MSI2: variants seen among roughly 807,000 people sequenced by gnomAD.
The protein encoded by MSI2 is RNA-binding protein Musashi homolog 2.
MSI2 carries 17 observed loss-of-function variants against 45.6 expected under a neutral mutation model. The observed-to-expected ratio is 0.37, with a 90% CI of 0.26 to 0.56. The LOEUF (loss-of-function observed/expected upper bound fraction) is 0.56, where lower values mean the gene tolerates loss of function less well. MSI2 is among the 20% of genes least tolerant of loss of function. The pLI is 0.77. For missense variants in MSI2, 293 were observed against 444.2 expected, an observed-to-expected ratio of 0.66 and a Z score of 3.06; for synonymous variants, 156 against 158.2, an observed-to-expected ratio of 0.99 and a Z score of 0.11.
At chr17:57,641,387 A>G (rs906020395) in intron 10 of MSI2, among the ~76,000 whole-genome samples, 3 of 152,144 alleles carry the variant, frequency 2.0e-5, no homozygotes, top group East Asian at 1.9e-4. Context: ...GGATTCATTG[A>G]AAAAGCCCAC....
At chr17:57,368,918 C>T (rs761077866) in intron 5 of MSI2, among the ~76,000 whole-genome samples, 2 of 152,198 alleles carry the variant, frequency 1.3e-5, no homozygotes, top group South Asian at 2.1e-4. Flanking sequence ...AAGGAAGGAA[C>T]GGCATGCCTG....
At chr17:57,380,215 C>T (rs2083575814) in intron 5 of MSI2, among the ~76,000 whole-genome samples, 2 of 152,204 alleles carry the variant, frequency 1.3e-5, no homozygotes, top group African/African-American at 4.8e-5. Context: ...CCCACAATAG[C>T]ATTAACCACG....
chr17:57,536,258 C>T (rs149425655), intron 7 of MSI2, among the ~76,000 whole-genome samples: 21 of 152,272 alleles, frequency 1.4e-4, no homozygotes, highest in Non-Finnish European at 1.6e-4. Context: ...TAGGGAAGAA[C>T]GTTGGGACTG....
At chr17:57,289,468 A>G (rs941784686) in intron 5 of MSI2, among the ~76,000 whole-genome samples, 2 of 135,616 alleles carry the variant, frequency 1.5e-5, no homozygotes, top group African/African-American at 5.5e-5. Flanking sequence ...ATGGATTTTT[A>G]TTTGAAATGA....
chr17:57,323,242 T>C (rs187488714), intron 5 of MSI2, among the ~76,000 whole-genome samples: 8 of 151,878 alleles, frequency 5.3e-5, no homozygotes, highest in Admixed American at 2.6e-4. Context: ...TCCACACAGA[T>C]TGAGTCTACA....
In MSI2 at chr17:57,640,537, C is replaced by T. The variant is rs536360560; in HGVS notation, c.728-11562C>T. 2.6e-5 allele frequency among the ~76,000 whole-genome samples: 4 copies of T among 152,318 alleles called. No homozygotes were observed. In the East Asian group the frequency reaches 7.7e-4, roughly 29 times the overall value. On this transcript the variant is annotated intron_variant, in intron 10 of 13. Transcript: ENST00000284073. ...AAGCAACAGATAACCGTGCTGAGCG[C>T]CCAACGCCATCATCTCACTGAATCA...
chr17:57,632,018 T>TG (rs1555634980), intron 10 of MSI2: 7 of 1,354,174 alleles, frequency 5.2e-6, no homozygotes, highest in African/African-American at 1.5e-5. Context: ...TTCACTCAAT[T>TG]AAAAAAAAAT....
chr17:57,314,751 T>C (rs1912711447), intron 5 of MSI2, among the ~76,000 whole-genome samples: 1 of 151,962 alleles, frequency 6.6e-6, no homozygotes. Context: ...TTTGTATTTT[T>C]AGTAAAAACG....
chr17:57,457,453 G>A (rs1248201045), intron 6 of MSI2, among the ~76,000 whole-genome samples: 1 of 152,176 alleles, frequency 6.6e-6, no homozygotes, highest in Non-Finnish European at 1.5e-5. Flanking sequence ...GCTGGTTAAG[G>A]TAGGTAATGA....
chr17:57,465,282 C>A (rs759788068), intron 6 of MSI2, among the ~76,000 whole-genome samples: 1 of 151,686 alleles, frequency 6.6e-6, no homozygotes, highest in Non-Finnish European at 1.5e-5. Context: ...AGCAACATGG[C>A]AAAACCCCAT....
At chr17:57,544,118 TGTGA>T (rs2087111927) in intron 7 of MSI2, among the ~76,000 whole-genome samples, 1 of 152,184 alleles carries the variant, frequency 6.6e-6, no homozygotes, top group African/African-American at 2.4e-5. Context: ...TGTGTGTGCC[TGTGA>T]GTGTGTTTGT....
chr17:57,503,831 G>A (rs567963913), intron 6 of MSI2, among the ~76,000 whole-genome samples: 97 of 152,046 alleles, frequency 6.4e-4, no homozygotes, highest in Middle Eastern at 6.8e-3. Flanking sequence ...GACAACCTCC[G>A]CCTCCCAGGT....
At chr17:57,674,807 G>C (rs1913099875) in intron 11 of MSI2, 165 bp from the exon 12 acceptor site, 4 of 1,010,680 alleles carry the variant, frequency 4.0e-6, no homozygotes, top group Non-Finnish European at 5.8e-6. Flanking sequence ...CATGGCCTTG[G>C]TTGAGTGTTA....
At chr17:57,463,011 C>T (rs2085260601) in intron 6 of MSI2, among the ~76,000 whole-genome samples, 1 of 152,246 alleles carries the variant, frequency 6.6e-6, no homozygotes, top group Non-Finnish European at 1.5e-5. Context: ...CCCCTTCCAC[C>T]ACAGGTCTCA....
At chr17:57,511,387 G>A (rs1240585729) in intron 6 of MSI2, among the ~76,000 whole-genome samples, 4 of 151,984 alleles carry the variant, frequency 2.6e-5, no homozygotes, top group Non-Finnish European at 5.9e-5. Context: ...TCCCCTTACC[G>A]CCACCCACCC....
chr17:57,482,912 G>A (rs1285017517), intron 6 of MSI2, among the ~76,000 whole-genome samples: 1 of 152,220 alleles, frequency 6.6e-6, no homozygotes, highest in Non-Finnish European at 1.5e-5. Context: ...TGGCATCCAT[G>A]TAGGAATTGA....
chr17:57,654,971 A>G (rs1208625330), intron 11 of MSI2, among the ~76,000 whole-genome samples: 2 of 141,918 alleles, frequency 1.4e-5, no homozygotes, highest in Non-Finnish European at 3.0e-5. Context: ...TCCTGAAGTG[A>G]GAAGCACTTG....
Position 57,596,827 on chromosome 17 carries a change from C to A in MSI2, c.455-41C>A. 1 of 1,472,378 alleles carries A rather than the reference C, an allele frequency of 6.8e-7. No homozygotes were observed. Among genetic ancestry groups the A allele is most frequent in the Non-Finnish European group, 9.5e-7 (1 of 1,053,378 alleles). 91.2% of individuals were successfully genotyped at this position (1,472,378 alleles called of 1,614,324 possible). A position where few individuals can be genotyped will look rare whatever the true frequency, so the allele number is the denominator to read the frequency against. On this transcript the variant is annotated intron_variant, in intron 7 of 13. Coordinates refer to ENST00000284073, the MANE Select transcript of MSI2 (RefSeq NM_138962.4). This position sits in a 1 kb window ranked among gnomAD's most constrained non-coding sequence, Gnocchi z 4.6. ...CTGGGCCTGCCAGAACTGAACTCACCCCGCCTCTCTTTGTTTTTTCTTCTC... is the reference window on the plus strand; with the variant it reads ...CTGGGCCTGCCAGAACTGAACTCACACCGCCTCTCTTTGTTTTTTCTTCTC...
chr17:57,669,908 A>G (rs1387631223), intron 11 of MSI2, among the ~76,000 whole-genome samples: 1 of 152,186 alleles, frequency 6.6e-6, no homozygotes, highest in Non-Finnish European at 1.5e-5. Flanking sequence ...TCTGCCTGAA[A>G]TGAAACCTGG....
Sources: allele counts gnomAD v4.1 joint callset (sites outside exome capture counted in the v4.1 genomes callset), GRCh38; gene constraint gnomAD v4.1.1; non-coding constraint Gnocchi (gnomAD v3.1); transcripts MANE v1.5; gene names NCBI Gene and HGNC (gene_info 2026-07-23, HGNC 2026-07-21).